Variants in SYK observed in about 807,000 individuals in gnomAD.
The protein encoded by SYK is spleen associated tyrosine kinase, also known as tyrosine-protein kinase SYK.
In SYK, 16 loss-of-function variants were observed where a neutral mutation model predicts 77.8. The ratio of observed to expected loss-of-function variants is 0.21; its 90% CI spans 0.14 to 0.31. SYK has a LOEUF of 0.31. Among genes scored for constraint, SYK ranks in the 10% least tolerant of loss-of-function variants. The probability of loss-of-function intolerance (pLI) is 1.00; values close to 1 mark genes in which losing one functional copy is unlikely to be tolerated. For missense variants in SYK, 529 were observed against 814.4 expected (o/e 0.65, Z 4.26); for synonymous variants, 312 against 308.7 (o/e 1.01, Z -0.11).
rs116976571 is a variant in SYK at position 90,818,428 on chromosome 9, G to A, written c.-42+16535G>A. ...CAGGCCATTTTGTTGGCTTTGATCC[G>A]TTCAGCACATTGAGTTATGGGGCGC... On this transcript the variant is annotated intron_variant, in intron 1 of 13. Transcript: ENST00000375754. 1.7e-3 allele frequency among the ~76,000 whole-genome samples: 255 copies of A among 152,288 alleles called. 3 individuals carry two copies. The East Asian group carries it at 0.033, about 20-fold the overall frequency.
rs972086695 is a variant in SYK, at chr9:90,819,032, G to T, written c.-42+17139G>T. ...GAAACATTTTGTTAGAAAACCAAAT[G>T]AATACAGGGAGATATGGCTATCAGG... On this transcript the variant is annotated intron_variant, in intron 1 of 13. Coordinates refer to ENST00000375754, the MANE Select transcript of SYK (RefSeq NM_003177.7). Among the ~76,000 whole-genome samples the T allele has an allele frequency of 3.3e-5, 5 of 152,234 alleles. No homozygotes were observed. In the South Asian group the frequency reaches 1.0e-3, roughly 31 times the overall value.
rs77272108 is a variant in SYK, at chr9:90,806,747, T to C, written c.-42+4854T>C. ...TGTAGTATAGAACTTTTATGATTTC[T>C]TCCATCAGGGTGCATTCTGAATCAT... On this transcript the variant is annotated intron_variant, in intron 1 of 13. Coordinates refer to ENST00000375754, the MANE Select transcript of SYK (RefSeq NM_003177.7). Among the ~76,000 whole-genome samples the C allele has an allele frequency of 3.8e-3, 579 of 152,352 alleles. 8 individuals are homozygous for C. Among genetic ancestry groups the C allele is most frequent in the African/African-American group, 0.012 (515 of 41,576 alleles).
chr9:90,881,031 A>C (rs1828131180), intron 11 of SYK, among the ~76,000 whole-genome samples: 1 of 152,068 alleles, frequency 6.6e-6, no homozygotes, highest in Admixed American at 6.6e-5. Flanking sequence ...GGCCTATAAA[A>C]CCAGGCCCAG....
Position 90,895,672 on chromosome 9 carries a change from G to C in SYK, c.*72G>C. 1.4e-6 allele frequency: 2 copies of C among 1,434,484 alleles called. No homozygotes were observed. Among genetic ancestry groups the C allele is most frequent in the South Asian group, 1.2e-5 (1 of 86,804 alleles). 88.9% of individuals were successfully genotyped at this position (1,434,484 alleles called of 1,614,324 possible). ...ACAGGAAAATGTATCCAGAGGAATT[G>C]ATTGTCAGCCACCTCCCTCTGCCAG... is the stretch of plus-strand genomic sequence containing the variant. On this transcript the variant is annotated 3_prime_UTR_variant, in exon 14 of 14. Transcript: ENST00000375754. This position sits in a 1 kb window ranked among gnomAD's most constrained non-coding sequence, Gnocchi z 4.4.
rs772725646 is a variant in SYK, at chr9:90,862,236, C to T, written c.609C>T (p.Tyr203=). The stretch of plus-strand genomic sequence containing the variant: ...GAGCCAGAGACAACAACGGCTCCTA[C>T]GCCCTGTGCCTGCTGCACGAAGGGA... ...LIRARDNNGS[Y]ALCLLHEGKV... The change falls in exon 4 of 14, where the codon TAC becomes TAT. Residue 203 remains tyrosine, a synonymous_variant. Transcript: ENST00000375754. The T allele has an allele frequency of 1.5e-5, 25 of 1,613,670 alleles. 1 individual carries two copies. The highest frequency in any genetic ancestry group is 1.6e-4 in the Middle Eastern group (1 of 6,078).
intron 1 of SYK, among the ~76,000 whole-genome samples, chr9:90,817,866 TGTGTGTGTGTGTGTGTGAGA>T (rs748428246): frequency 0.014 from 1,915 of 141,566 alleles, 28 homozygotes; most frequent in African/African-American, 0.043. Context: ...TGTGTGTGTG[TGTGTGTGTGTGTGTGTGAGA>T]GAGAGAGAGA....
chr9:90,807,540 G>A (rs1460814775), intron 1 of SYK, among the ~76,000 whole-genome samples: 1 of 152,018 alleles, frequency 6.6e-6, no homozygotes, highest in Non-Finnish European at 1.5e-5. Flanking sequence ...TACCTGGTAT[G>A]TGGTTAAAAC....
At chr9:90,856,510 T>G (rs1284730647) in intron 3 of SYK, among the ~76,000 whole-genome samples, 2 of 152,208 alleles carry the variant, frequency 1.3e-5, no homozygotes, top group Non-Finnish European at 2.9e-5. Flanking sequence ...CACTAATTTT[T>G]CCTTCATTTG....
chr9:90,880,807 C>G (rs975911008), intron 11 of SYK, among the ~76,000 whole-genome samples: 1 of 152,180 alleles, frequency 6.6e-6, no homozygotes, highest in Non-Finnish European at 1.5e-5. Flanking sequence ...ACAGGAGGAC[C>G]GTTTCCACTC....
At chr9:90,871,394 A>G (rs2118850833) in intron 7 of SYK, among the ~76,000 whole-genome samples, 1 of 152,382 alleles carries the variant, frequency 6.6e-6, no homozygotes, top group South Asian at 2.1e-4. Flanking sequence ...AAAGGTTAAT[A>G]GTAATGTAGA....
chr9:90,885,328 A>G (rs549909975), intron 11 of SYK, among the ~76,000 whole-genome samples: 1 of 152,150 alleles, frequency 6.6e-6, no homozygotes, highest in Non-Finnish European at 1.5e-5. Context: ...AAAGAAATAG[A>G]TATTTTTAAA....
At chr9:90,886,427 G>A (rs564479646) in intron 11 of SYK, among the ~76,000 whole-genome samples, 1 of 152,312 alleles carries the variant, frequency 6.6e-6, no homozygotes, top group South Asian at 2.1e-4. Flanking sequence ...AAAACAGGCT[G>A]GGCACGGTGG....
rs1030910495 is a variant in SYK, at chr9:90,848,349, G to T, written c.578+2755G>T. On this transcript the variant is annotated intron_variant, in intron 3 of 13. Transcript: ENST00000375754. ...GTGGCTGCCCTCTCAGTGTGAGTGC[G>T]TCAGCTCCTGATTCACTGTGGGAGT... Among the ~76,000 whole-genome samples the T allele has an allele frequency of 2.0e-5, 3 of 152,230 alleles. No homozygotes were observed. The South Asian group carries it at 6.2e-4, about 32-fold the overall frequency.
rs1174684222 is a variant in SYK, at chr9:90,844,000, G to C, written c.102G>C (p.Met34Ile). ...EAEDYLVQGGMSDGLYLLRQS... is the reference protein window; with the variant it reads ...EAEDYLVQGGISDGLYLLRQS... ...AAGATTACCTGGTCCAGGGGGGCAT[G>C]AGTGATGGGCTTTATTTGCTGCGCC... Residue 34 changes from methionine (M) to isoleucine (I), a missense_variant, in exon 2 of 14, where the codon ATG (methionine) becomes ATC (isoleucine). Coordinates refer to ENST00000375754, the MANE Select transcript of SYK (RefSeq NM_003177.7). The C allele has an allele frequency of 6.2e-7, 1 of 1,611,136 alleles. No homozygotes were observed. Among genetic ancestry groups the C allele is most frequent in the Admixed American group, 1.7e-5 (1 of 59,578 alleles).
intron 1 of SYK, among the ~76,000 whole-genome samples, chr9:90,841,357 ACT>A (rs1826316651): frequency 1.5e-5 from 1 of 68,242 alleles, no homozygotes; most frequent in Non-Finnish European, 3.3e-5. Flanking sequence ...GTTTGTGTAT[ACT>A]GTGTGTAGTA....
intron 6 of SYK, among the ~76,000 whole-genome samples, chr9:90,866,789 A>G (rs549500348): frequency 4.6e-5 from 7 of 152,232 alleles, no homozygotes; most frequent in South Asian, 2.1e-4. Context: ...AACACAACTG[A>G]GCACTCAGAT....
rs202005868 is a variant in SYK, at chr9:90,884,134, CAT to C, written c.1582-3606_1582-3605del. On this transcript the variant is annotated intron_variant, in intron 11 of 13. Transcript: ENST00000375754. ...CCCAAATCAAACCCAAAGTGCCCTA[CAT>C]ATATATATGTGTGTGTGTATATATA... is the stretch of plus-strand genomic sequence containing the variant. 2.3e-3 allele frequency among the ~76,000 whole-genome samples: 189 copies of C among 81,066 alleles called. 1 individual carries two copies. Among genetic ancestry groups the C allele is most frequent in the African/African-American group, 0.012 (179 of 15,444 alleles). 53.2% of individuals were successfully genotyped at this position (81,066 alleles called of 152,430 possible).
intron 1 of SYK, among the ~76,000 whole-genome samples, chr9:90,817,882 T>TGTGTGTGAGAGAGA (rs1302553724): frequency 1.5e-5 from 1 of 66,866 alleles, no homozygotes; most frequent in African/African-American, 5.4e-5. Context: ...TGTGTGTGTG[T>TGTGTGTGAGAGAGA]GAGAGAGAGA....
intron 1 of SYK, among the ~76,000 whole-genome samples, chr9:90,829,457 A>G (rs1449467643): frequency 1.3e-5 from 2 of 152,340 alleles, no homozygotes; most frequent in East Asian, 1.9e-4. Context: ...GTGAGCTTTC[A>G]TGAGCCAGAG....
Sources: allele counts gnomAD v4.1 joint callset (sites outside exome capture counted in the v4.1 genomes callset), GRCh38; gene constraint gnomAD v4.1.1; non-coding constraint Gnocchi (gnomAD v3.1); transcripts MANE v1.5; gene names NCBI Gene and HGNC (gene_info 2026-07-23, HGNC 2026-07-21).